The following WRAP53 variants were observed in gnomAD, a reference collection of about 807,000 sequenced individuals.
The protein encoded by WRAP53 is telomerase Cajal body protein 1.
Under a neutral mutation model 56.6 loss-of-function variants are expected in WRAP53, and 28 were observed. That is an observed-to-expected ratio of 0.50 (90% CI 0.37 to 0.68). The LOEUF (loss-of-function observed/expected upper bound fraction) is 0.68, where lower values mean the gene tolerates loss of function less well. Ranked by LOEUF, WRAP53 falls within the 30% of genes least tolerant of loss-of-function variation. The pLI, the probability that WRAP53 is intolerant of heterozygous loss-of-function variation, is 0.00. For missense variants in WRAP53, 671 were observed against 715.5 expected (o/e 0.94, Z 0.71); for synonymous variants, 283 against 283.4 (o/e 1.00, Z 0.01).
At chr17:7,687,835 C>G (rs2074034480), upstream of WRAP53, 2 of 386,602 alleles carry the variant, frequency 5.2e-6, no homozygotes, top group Non-Finnish European at 9.1e-6. Context: ...TCAGCTGGAT[C>G]CTTTCTTCTC....
At chr17:7,696,288 AG>A (rs2074182961) in intron 4 of WRAP53, among the ~76,000 whole-genome samples, 1 of 121,426 alleles carries the variant, frequency 8.2e-6, no homozygotes, top group African/African-American at 3.4e-5. Flanking sequence ...CGGGACTCAG[AG>A]ATTTTTTTTT....
chr17:7,686,831 C>T (rs1293448007), upstream of WRAP53: 2 of 152,782 alleles, frequency 1.3e-5, no homozygotes, highest in East Asian at 1.9e-4. Flanking sequence ...TCTAGCGGAG[C>T]CGGGGGCTGC....
Position 7,689,087 on chromosome 17 carries a change from G to GA in WRAP53, c.431+8_431+9insA. On this transcript the variant is annotated intron_variant, in intron 2 of 10. Transcript: ENST00000396463. ...AGAGGACGAGGGAGACACGTAAGTG[G>GA]TGATGGCAGTGGAGTGTGGAGTCTG... 1 of 1,614,144 alleles carries GA rather than the reference G, an allele frequency of 6.2e-7. No homozygotes were observed. The highest frequency in any genetic ancestry group is 8.5e-7 in the Non-Finnish European group (1 of 1,180,002).
At chr17:7,696,389 C>T (rs2074185942) in intron 4 of WRAP53, among the ~76,000 whole-genome samples, 1 of 149,000 alleles carries the variant, frequency 6.7e-6, no homozygotes, top group South Asian at 2.1e-4. Context: ...AGCTCCGCCT[C>T]CCAGGTTCAC....
At position 7,702,747 on chromosome 17, in the gene WRAP53, C is replaced by T. The variant is rs2151097174; in HGVS notation, c.1169C>T (p.Ala390Val). 4.3e-6 allele frequency: 7 copies of T among 1,613,538 alleles called. No individual in the cohort carries two copies. The highest frequency in any genetic ancestry group is 5.9e-6 in the Non-Finnish European group (7 of 1,179,980). The change falls in exon 9 of 11, where the codon GCT becomes GTT. Residue 390 changes from alanine to valine, a missense_variant. Transcript: ENST00000396463. The surrounding 1 kb of genome is among the most constrained non-coding windows in gnomAD (Gnocchi z 5.0). ...NRFFSGARKDAELLCWDLRQS... is the reference protein window; with the variant it reads ...NRFFSGARKDVELLCWDLRQS... ...GGTCCTGTTCCTTGTCTCCAGGATG[C>T]TGAGCTCCTGTGCTGGGATCTCCGG...
Position 7,702,338 on chromosome 17 carries a change from C to T in WRAP53, c.956-6C>T, listed in dbSNP as rs1567580042. 5 of 1,613,934 alleles carry T rather than the reference C, an allele frequency of 3.1e-6. No homozygotes were observed. The South Asian group carries it at 3.3e-5, about 11-fold the overall frequency. ...CCCTCCCCCACTTTGTTCCTTCCCT[C>T]TCTAGCAAAAAAGCAGGGCCAGAGC... is the stretch of plus-strand genomic sequence containing the variant. On this transcript the variant is annotated splice_polypyrimidine_tract_variant and splice_region_variant and intron_variant, in intron 7 of 10. Coordinates refer to ENST00000396463, the MANE Select transcript of WRAP53 (RefSeq NM_001143992.2). This position sits in a 1 kb window ranked among gnomAD's most constrained non-coding sequence, Gnocchi z 5.0.
intron 4 of WRAP53, among the ~76,000 whole-genome samples, chr17:7,692,654 G>C (rs1018917245): frequency 1.4e-5 from 2 of 142,766 alleles, no homozygotes; most frequent in African/African-American, 5.1e-5. Flanking sequence ...ATTGGCTATA[G>C]TTTTCTCCCA....
At chr17:7,697,298 G>A (rs1483015622) in intron 4 of WRAP53, among the ~76,000 whole-genome samples, 4 of 150,266 alleles carry the variant, frequency 2.7e-5, no homozygotes, top group Non-Finnish European at 5.9e-5. Flanking sequence ...TCCAGCCTGG[G>A]GACAGAGGGA....
chr17:7,703,084 G>C lies in WRAP53; in HGVS notation c.1360G>C (p.Val454Leu). ...TGGCAATGATGGGAAGCCGGAGCCCGTGTTGAGTTTTCTGCCCCAGAAGGA... is the reference window on the plus strand; with the variant it reads ...TGGCAATGATGGGAAGCCGGAGCCCCTGTTGAGTTTTCTGCCCCAGAAGGA... ...GPGNDGKPEP[V>L]LSFLPQKDCT... The change falls in exon 10 of 11, where the codon GTG (valine) becomes CTG (leucine). Residue 454 changes from valine (V) to leucine (L), a missense_variant. Physicochemically the swap from Val to Leu is conservative, Grantham distance 32. Around this residue, in one of 3 missense-constraint regions of WRAP53, gnomAD observed 158 missense variants for 215.7 expected, o/e 0.73. Coordinates refer to ENST00000396463, the MANE Select transcript of WRAP53 (RefSeq NM_001143992.2). The C allele has an allele frequency of 1.9e-6, 3 of 1,614,120 alleles. No individual in the cohort carries two copies. The highest frequency in any genetic ancestry group is 4.5e-5 in the East Asian group (2 of 44,876).
chr17:7,692,106 C>T (rs7405949), intron 4 of WRAP53, among the ~76,000 whole-genome samples: 1 of 151,450 alleles, frequency 6.6e-6, no homozygotes, highest in African/African-American at 2.4e-5. Context: ...TCCCAAAGTG[C>T]TGGGATTACA....
rs1203888377 is a variant in WRAP53 at position 7,699,522 on chromosome 17, T to TTA, written c.643-1203_643-1202dup. Among the ~76,000 whole-genome samples, 16 of 14,092 alleles carry TTA rather than the reference T, an allele frequency of 1.1e-3. 3 individuals carry two copies. Among genetic ancestry groups the TTA allele is most frequent in the Non-Finnish European group, 1.6e-3 (14 of 8,666 alleles). The allele number at this position is 14,092 out of a possible 152,430, so 9.2% of individuals were successfully genotyped here. A position where few individuals can be genotyped will look rare whatever the true frequency, so the allele number is the denominator to read the frequency against. On this transcript the variant is annotated intron_variant, in intron 4 of 10. Coordinates refer to ENST00000396463, the MANE Select transcript of WRAP53 (RefSeq NM_001143992.2). ...TATATTTATATATATATATATATAT[T>TTA]TATATATATATATATATTCCTAAGG...
Position 7,689,335 on chromosome 17 carries a change from A to C in WRAP53, c.530+13A>C, listed in dbSNP as rs2074075160. On this transcript the variant is annotated intron_variant, in intron 3 of 10. Transcript: ENST00000396463. ...AAGGCTGTAAGTGGTAAGGATAACA[A>C]CGGGGCAGGGAGCTGACCACCCCCG... is the stretch of plus-strand genomic sequence containing the variant. 1 of 1,613,138 alleles carries C rather than the reference A, an allele frequency of 6.2e-7. No individual in the cohort carries two copies. Among genetic ancestry groups the C allele is most frequent in the Non-Finnish European group, 8.5e-7 (1 of 1,179,554 alleles).
chr17:7,689,244 C>G lies in WRAP53; in HGVS notation c.452C>G (p.Ser151Cys), dbSNP rs750056345. ...EGDTAWNYSFSQLPRFLSGSW... is the reference protein window; with the variant it reads ...EGDTAWNYSFCQLPRFLSGSW... Reference sequence around the variant, plus strand: ...TTCAGCGCTTGGAACTACAGCTTCTCCCAGCTGCCTCGATTTCTCAGTGGT... The same window carrying G: ...TTCAGCGCTTGGAACTACAGCTTCTGCCAGCTGCCTCGATTTCTCAGTGGT... The change falls in exon 3 of 11, where the codon TCC (serine) becomes TGC (cysteine). Residue 151 changes from serine (S) to cysteine (C), a missense_variant. Physicochemically the swap from Ser to Cys is moderately radical, Grantham distance 112 (BLOSUM62 -1). This residue lies in a region of WRAP53 where 406 missense variants were observed against 418.5 expected (regional missense o/e 0.97). Transcript: ENST00000396463. 2.5e-6 allele frequency: 4 copies of G among 1,614,046 alleles called. No homozygotes were observed. Among genetic ancestry groups the G allele is most frequent in the Non-Finnish European group, 3.4e-6 (4 of 1,180,020 alleles).
At chr17:7,689,366 T>G in intron 3 of WRAP53, 44 bp downstream of exon 3, 2 of 1,595,510 alleles carry the variant, frequency 1.3e-6, no homozygotes, top group Non-Finnish European at 1.7e-6. Flanking sequence ...CCCCGAGATT[T>G]TCACTGTAAA....
chr17:7,688,509 G>C lies in WRAP53; in HGVS notation c.-54G>C. 1 of 880,054 alleles carries C rather than the reference G, an allele frequency of 1.1e-6. No individual in the cohort carries two copies. Among genetic ancestry groups the C allele is most frequent in the South Asian group, 1.7e-5 (1 of 59,906 alleles). 54.5% of individuals were successfully genotyped at this position (880,054 alleles called of 1,614,324 possible). ...TCAAAAGAATTGGCGTCCGCTGTTCGCCTCTCCTCCCGGGAGTCTTCTGCC... is the reference window on the plus strand; with the variant it reads ...TCAAAAGAATTGGCGTCCGCTGTTCCCCTCTCCTCCCGGGAGTCTTCTGCC... On this transcript the variant is annotated 5_prime_UTR_variant, in exon 1 of 11. Transcript: ENST00000396463.
chr17:7,691,621 G>A (rs1412203003), intron 4 of WRAP53, among the ~76,000 whole-genome samples: 1 of 151,976 alleles, frequency 6.6e-6, no homozygotes, highest in East Asian at 1.9e-4. Context: ...TCGTACTCCT[G>A]ACATTTGATC....
At chr17:7,699,484 A>T (rs1430402646) in intron 4 of WRAP53, among the ~76,000 whole-genome samples, 1,959 of 15,914 alleles carry the variant, frequency 0.12, 157 homozygotes, top group Non-Finnish European at 0.15. Context: ...ATTTATATAT[A>T]TATATATATA....
chr17:7,694,383 C>T (rs1340078871), intron 4 of WRAP53, among the ~76,000 whole-genome samples: 1 of 151,428 alleles, frequency 6.6e-6, no homozygotes, highest in Non-Finnish European at 1.5e-5. Context: ...GCTGGGATTA[C>T]AGGCACGCAC....
At chr17:7,687,362 C>T (rs1312481195), upstream of WRAP53, 4 of 398,390 alleles carry the variant, frequency 1.0e-5, no homozygotes. Context: ...TCATCAAGTT[C>T]AGTCAGGAGC....
Sources: allele counts gnomAD v4.1 joint callset (sites outside exome capture counted in the v4.1 genomes callset), GRCh38; gene constraint gnomAD v4.1.1; regional missense constraint gnomAD v4.1.1; non-coding constraint Gnocchi (gnomAD v3.1); transcripts MANE v1.5; gene names NCBI Gene and HGNC (gene_info 2026-07-23, HGNC 2026-07-21).